The following SLC7A7 variants were observed in gnomAD, a reference collection of about 807,000 sequenced individuals.
SLC7A7 encodes the protein Y+L amino acid transporter 1.
SLC7A7 carries 39 observed loss-of-function variants against 47.9 expected under a neutral mutation model. The observed-to-expected ratio is 0.81, with a 90% CI of 0.63 to 1.06. The LOEUF is 1.06. SLC7A7 is among the 50% of genes least tolerant of loss of function. The probability of loss-of-function intolerance (pLI) is 0.00; values close to 1 mark genes in which losing one functional copy is unlikely to be tolerated. For synonymous variants in SLC7A7, 234 were observed against 242.8 expected (o/e 0.96, Z 0.34); for missense variants, 588 against 632.0 (o/e 0.93, Z 0.75).
intron 2 of SLC7A7, among the ~76,000 whole-genome samples, chr14:22,806,177 A>G (rs796608264): frequency 1.5e-5 from 2 of 134,798 alleles, no homozygotes; most frequent in African/African-American, 5.5e-5. Flanking sequence ...TATCATTCAC[A>G]CATCAATCTC....
chr14:22,775,901 C>T lies in SLC7A7; in HGVS notation c.930G>A (p.Trp310Ter), dbSNP rs2038594225. 6.2e-7 allele frequency: 1 copy of T among 1,613,958 alleles called. No homozygotes were observed. Among genetic ancestry groups the T allele is most frequent in the East Asian group, 2.2e-5 (1 of 44,882 alleles). The stretch of plus-strand genomic sequence containing the variant: ...ATAATGCAACTGACAGTGGAATTAT[C>T]CAGTTAAATATTCCAAATATCTGAT... The part of the protein sequence containing the change: ...FADQIFGIFN[W>*]IIPLSVALSC... Residue 310 changes from tryptophan to a stop codon, truncating the protein, a stop_gained, in exon 6 of 10, where the codon TGG becomes TGA. Coordinates refer to ENST00000674313, the MANE Select transcript of SLC7A7 (RefSeq NM_003982.4). LOFTEE classifies it high-confidence loss of function.
chr14:22,789,208 G>A (rs889061947), intron 2 of SLC7A7, among the ~76,000 whole-genome samples: 11 of 152,112 alleles, frequency 7.2e-5, no homozygotes, highest in Non-Finnish European at 1.3e-4. Context: ...ATCCACCTCC[G>A]GTGGAAAGCT....
chr14:22,781,819 C>G (rs576695074), intron 2 of SLC7A7, among the ~76,000 whole-genome samples: 1 of 152,260 alleles, frequency 6.6e-6, no homozygotes, highest in Non-Finnish European at 1.5e-5. Context: ...GTAGAAACAC[C>G]AGACACAAAG....
intron 2 of SLC7A7, among the ~76,000 whole-genome samples, chr14:22,787,436 A>T (rs1594956334): frequency 1.3e-5 from 2 of 148,162 alleles, no homozygotes; most frequent in Non-Finnish European, 3.0e-5. Flanking sequence ...ACTCCGTCTC[A>T]AAATAAATAA....
chr14:22,797,626 G>A (rs911096591), intron 2 of SLC7A7, among the ~76,000 whole-genome samples: 3 of 152,024 alleles, frequency 2.0e-5, no homozygotes, highest in African/African-American at 7.2e-5. Flanking sequence ...CAGGATCACT[G>A]TTATCTGGAC....
chr14:22,789,224 A>T (rs1249085168), intron 2 of SLC7A7, among the ~76,000 whole-genome samples: 1 of 152,172 alleles, frequency 6.6e-6, no homozygotes, highest in African/African-American at 2.4e-5. Flanking sequence ...AAGCTGGGCT[A>T]TCACTTGTGG....
At chr14:22,801,035 C>T (rs1183761296) in intron 2 of SLC7A7, among the ~76,000 whole-genome samples, 1 of 152,146 alleles carries the variant, frequency 6.6e-6, no homozygotes, top group African/African-American at 2.4e-5. Flanking sequence ...CATGAGGGAC[C>T]CTGACCTAGA....
chr14:22,786,363 C>T (rs939505494), intron 2 of SLC7A7, among the ~76,000 whole-genome samples: 1 of 152,096 alleles, frequency 6.6e-6, no homozygotes, highest in African/African-American at 2.4e-5. Context: ...AGTCTTTACT[C>T]CTTCAGGCTA....
At chr14:22,790,148 G>A (rs1395990005) in intron 2 of SLC7A7, among the ~76,000 whole-genome samples, 2 of 151,976 alleles carry the variant, frequency 1.3e-5, no homozygotes, top group Non-Finnish European at 2.9e-5. Context: ...GGGCAACATA[G>A]AGAAACCCTG....
chr14:22,795,996 T>A (rs1247613559), intron 2 of SLC7A7, among the ~76,000 whole-genome samples: 1 of 152,176 alleles, frequency 6.6e-6, no homozygotes, highest in Non-Finnish European at 1.5e-5. Flanking sequence ...ACCCCTTCAC[T>A]GCTGGTCAAG....
At chr14:22,806,895 C>CTTTTTT (rs397852982) in intron 2 of SLC7A7, among the ~76,000 whole-genome samples, 2 of 123,626 alleles carry the variant, frequency 1.6e-5, no homozygotes, top group African/African-American at 3.1e-5. Flanking sequence ...CCACTGTTAA[C>CTTTTTT]TTTTTTTTTT....
At chr14:22,774,148 C>T in intron 8 of SLC7A7, 32 bp from the exon 9 acceptor site, 1 of 1,613,084 alleles carries the variant, frequency 6.2e-7, no homozygotes, top group Non-Finnish European at 8.5e-7. Flanking sequence ...CTGGAGTGGA[C>T]AACTCAGGAT....
chr14:22,788,475 C>T (rs529562754), intron 2 of SLC7A7, among the ~76,000 whole-genome samples: 195 of 152,140 alleles, frequency 1.3e-3, no homozygotes, highest in South Asian at 2.7e-3. Flanking sequence ...GAGGCCAAGG[C>T]GGGCAGATCA....
chr14:22,782,640 T>C (rs1169331828), intron 2 of SLC7A7, among the ~76,000 whole-genome samples: 1 of 151,594 alleles, frequency 6.6e-6, no homozygotes, highest in Non-Finnish European at 1.5e-5. Flanking sequence ...TTTTGTATTT[T>C]TAGTAGAGAT....
chr14:22,817,890 G>T (rs923501632), upstream of SLC7A7, among the ~76,000 whole-genome samples: 6 of 152,116 alleles, frequency 3.9e-5, no homozygotes, highest in African/African-American at 1.4e-4. Context: ...TAGCCTAGAC[G>T]AAAGGCTCCA....
chr14:22,811,292 C>T (rs1222430359), intron 2 of SLC7A7, among the ~76,000 whole-genome samples: 2 of 152,152 alleles, frequency 1.3e-5, no homozygotes, highest in African/African-American at 4.8e-5. Context: ...ATTCCTGTGC[C>T]CCAACTGCTA....
intron 2 of SLC7A7, among the ~76,000 whole-genome samples, chr14:22,799,131 C>T (rs1400384795): frequency 2.0e-5 from 3 of 152,168 alleles, no homozygotes; most frequent in Non-Finnish European, 2.9e-5. Context: ...AGAAAGCCCA[C>T]ATGAAAAGCC....
Position 22,800,947 on chromosome 14 carries a change from G to GA in SLC7A7, c.499+11952dup, listed in dbSNP as rs201408201. On this transcript the variant is annotated intron_variant, in intron 2 of 9. Transcript: ENST00000674313. ...GGAGCAAGACTCCACCTCAAAAAAA[G>GA]AAAAAAAAGAAGCCCAGATTGTCTG... is the stretch of plus-strand genomic sequence containing the variant. Among the ~76,000 whole-genome samples, 937 of 151,174 alleles carry GA rather than the reference G, an allele frequency of 6.2e-3. 7 individuals carry two copies. Among genetic ancestry groups the GA allele is most frequent in the African/African-American group, 0.022 (890 of 41,182 alleles).
intron 2 of SLC7A7, among the ~76,000 whole-genome samples, chr14:22,801,498 CAG>C (rs1206534835): frequency 2.6e-5 from 4 of 152,090 alleles, no homozygotes; most frequent in Non-Finnish European, 1.5e-5. Context: ...AACCCTGTAT[CAG>C]AGGCCAGGCA....
Sources: gnomAD v4.1 joint callset for allele counts (sites outside exome capture counted in the v4.1 genomes callset) on GRCh38, gnomAD v4.1.1 for gene constraint, MANE v1.5 for transcripts, NCBI Gene and HGNC (gene_info 2026-07-23, HGNC 2026-07-21) for gene names.